The following TP63 variants were observed in gnomAD, a reference collection of about 807,000 sequenced individuals.
TP63 encodes tumor protein p63, also known as tumor protein 63.
TP63 carries 17 observed loss-of-function variants against 82.8 expected under a neutral mutation model. The observed-to-expected ratio is 0.21, with a 90% CI of 0.14 to 0.31. TP63 has a LOEUF of 0.31. Ranked by LOEUF, TP63 falls within the 10% of genes least tolerant of loss-of-function variation. The pLI is 1.00. For missense variants in TP63, 648 were observed against 895.3 expected (o/e 0.72, Z 3.52); for synonymous variants, 330 against 321.7 (o/e 1.03, Z -0.28).
intron 4 of TP63, 34 bp downstream of exon 4, chr3:189,808,560 C>T (rs1174541949): frequency 1.2e-6 from 2 of 1,611,004 alleles, no homozygotes; most frequent in Non-Finnish European, 8.5e-7. Context: ...ACCTGACCCC[C>T]CAAGTCCAAG....
chr3:189,854,353 C>T (rs920206131), intron 4 of TP63, among the ~76,000 whole-genome samples: 1 of 152,174 alleles, frequency 6.6e-6, no homozygotes, highest in African/African-American at 2.4e-5. Context: ...GCTTCATCCT[C>T]CCGAGTAGCT....
At chr3:189,607,521 A>G in the TP63 span, among the ~76,000 whole-genome samples, 2 of 152,124 alleles carry the variant, frequency 1.3e-5, no homozygotes, top group Non-Finnish European at 2.9e-5. Context: ...TTTTTAAAAA[A>G]TAATTTTTAT....
At chr3:189,725,677 G>C (rs1399426191) in intron 1 of TP63, among the ~76,000 whole-genome samples, 1 of 152,008 alleles carries the variant, frequency 6.6e-6, no homozygotes, top group South Asian at 2.1e-4. Flanking sequence ...CGGAATGTGA[G>C]TGTGTGAATT....
chr3:189,661,967 T>A (rs962137711), intron 1 of TP63, among the ~76,000 whole-genome samples: 1 of 152,122 alleles, frequency 6.6e-6, no homozygotes, highest in Non-Finnish European at 1.5e-5. Flanking sequence ...TTTTTCTTTG[T>A]TAATCTAGCT....
chr3:189,687,131 T>A (rs1716514985), intron 1 of TP63, among the ~76,000 whole-genome samples: 1 of 152,030 alleles, frequency 6.6e-6, no homozygotes, highest in Admixed American at 6.6e-5. Context: ...GGTCTACAGA[T>A]CTGTACACAG....
chr3:189,872,101 AC>A (rs1718494674), intron 9 of TP63, among the ~76,000 whole-genome samples: 1 of 152,164 alleles, frequency 6.6e-6, no homozygotes, highest in South Asian at 2.1e-4. Flanking sequence ...CCACATGGAA[AC>A]TTTTATCCTA....
At chr3:189,739,571 A>G (rs1164331750) in intron 3 of TP63, among the ~76,000 whole-genome samples, 1 of 152,188 alleles carries the variant, frequency 6.6e-6, no homozygotes, top group African/African-American at 2.4e-5. Context: ...GAGGGAGGAA[A>G]AAAACTAATA....
At chr3:189,841,623 G>A (rs1046821404) in intron 4 of TP63, among the ~76,000 whole-genome samples, 7 of 152,122 alleles carry the variant, frequency 4.6e-5, no homozygotes, top group African/African-American at 7.2e-5. Context: ...GTATTATATC[G>A]CCAAGGATAC....
chr3:189,631,947 A>G (rs1729486691), intron 1 of TP63, among the ~76,000 whole-genome samples: 1 of 152,190 alleles, frequency 6.6e-6, no homozygotes, highest in Non-Finnish European at 1.5e-5. Flanking sequence ...TAAACACCAA[A>G]TAATTTTGAT....
chr3:189,800,374 C>T (rs1449686416), intron 3 of TP63, among the ~76,000 whole-genome samples: 2 of 151,556 alleles, frequency 1.3e-5, no homozygotes, highest in East Asian at 3.9e-4. Flanking sequence ...ATTTGCAATG[C>T]CTTTCAAGTG....
chr3:189,742,341 GATA>G (rs1721058386), intron 3 of TP63, among the ~76,000 whole-genome samples: 1 of 150,340 alleles, frequency 6.7e-6, no homozygotes, highest in East Asian at 1.9e-4. Flanking sequence ...TCATGAGGTA[GATA>G]ATAATATTAA....
At chr3:189,716,900 G>C (rs1719003809) in intron 1 of TP63, among the ~76,000 whole-genome samples, 1 of 151,970 alleles carries the variant, frequency 6.6e-6, no homozygotes. Flanking sequence ...TCAGCTTCAA[G>C]TGATTCTCCT....
intron 3 of TP63, among the ~76,000 whole-genome samples, chr3:189,759,900 G>A (rs935885843): frequency 6.6e-6 from 1 of 152,196 alleles, no homozygotes; most frequent in African/African-American, 2.4e-5. Context: ...TCACGATCAT[G>A]GTGGAAGGCA....
chr3:189,864,500 C>CCTGATTCAG, intron 5 of TP63, 82 bp downstream of exon 5: 1 of 1,389,186 alleles, frequency 7.2e-7, no homozygotes, highest in African/African-American at 1.5e-5. Context: ...GACCCACCTA[C>CCTGATTCAG]CTGATTCAGA....
chr3:189,705,441 T>C (rs1293699980), intron 1 of TP63, among the ~76,000 whole-genome samples: 1 of 152,130 alleles, frequency 6.6e-6, no homozygotes, highest in East Asian at 1.9e-4. Context: ...TTCTTATTCA[T>C]TTCTTTCTTT....
intron 4 of TP63, among the ~76,000 whole-genome samples, chr3:189,815,175 A>G (rs1171492232): frequency 2.0e-5 from 3 of 150,122 alleles, no homozygotes; most frequent in Admixed American, 6.6e-5. Context: ...GCTACATGGT[A>G]TCTTTCTTTA....
intron 3 of TP63, among the ~76,000 whole-genome samples, chr3:189,756,906 A>G (rs778156057): frequency 1.5e-4 from 23 of 152,204 alleles, no homozygotes; most frequent in Non-Finnish European, 2.9e-4. Flanking sequence ...GGATTTCAGC[A>G]GAAACACAGG....
chr3:189,734,960 A>G (rs1720468016), intron 1 of TP63, among the ~76,000 whole-genome samples: 1 of 152,112 alleles, frequency 6.6e-6, no homozygotes, highest in Non-Finnish European at 1.5e-5. Flanking sequence ...TTGTATCCAA[A>G]AAAACATTTC....
Position 189,803,658 on chromosome 3 carries a change from C to T in TP63, c.325-4614C>T, listed in dbSNP as rs146181617. Among the ~76,000 whole-genome samples the T allele has an allele frequency of 6.6e-3, 1,003 of 152,208 alleles. 8 individuals are homozygous for T. The highest frequency in any genetic ancestry group is 0.023 in the African/African-American group (959 of 41,530). On this transcript the variant is annotated intron_variant, in intron 3 of 13. Coordinates refer to ENST00000264731, the MANE Select transcript of TP63 (RefSeq NM_003722.5). ...ATATGTCGAGTCCATGTGACCAAGGCGTACTTCATCCTTTCTGTGATCAGA... is the reference window on the plus strand; with the variant it reads ...ATATGTCGAGTCCATGTGACCAAGGTGTACTTCATCCTTTCTGTGATCAGA...
Sources: allele counts gnomAD v4.1 joint callset (sites outside exome capture counted in the v4.1 genomes callset), GRCh38; gene constraint gnomAD v4.1.1; transcripts MANE v1.5; gene names NCBI Gene and HGNC (gene_info 2026-07-23, HGNC 2026-07-21).